The following SVEP1 variants were observed in gnomAD, a reference collection of about 807,000 sequenced individuals.
SVEP1 encodes sushi, von Willebrand factor type A, EGF and pentraxin domain-containing protein 1.
SVEP1 carries 164 observed loss-of-function variants against 367.3 expected under a neutral mutation model. The observed-to-expected ratio is 0.45, with a 90% CI of 0.39 to 0.51. The LOEUF (loss-of-function observed/expected upper bound fraction) is 0.51. Ranked by LOEUF, SVEP1 falls within the 20% of genes least tolerant of loss-of-function variation. The probability of loss-of-function intolerance (pLI) is 0.00; values close to 1 mark genes in which losing one functional copy is unlikely to be tolerated. For missense variants in SVEP1, 4,117 were observed against 4,425.3 expected, an observed-to-expected ratio of 0.93 and a Z score of 1.98; for synonymous variants, 1,666 against 1,611.6, an observed-to-expected ratio of 1.03 and a Z score of -0.81.
intron 47 of SVEP1, among the ~76,000 whole-genome samples, chr9:110,367,233 C>T (rs1419399016): frequency 1.3e-5 from 2 of 152,242 alleles, no homozygotes; most frequent in East Asian, 1.9e-4. Context: ...AATCTTGGCT[C>T]GCTGCAACCT....
chr9:110,387,165 T>A (rs1827537736), intron 42 of SVEP1, 120 bp downstream of exon 42: 4 of 964,490 alleles, frequency 4.1e-6, no homozygotes, highest in Non-Finnish European at 5.9e-6. Context: ...TGGATAGGCA[T>A]TAATTGCTTT....
At chr9:110,474,527 G>T (rs1829071211) in intron 14 of SVEP1, among the ~76,000 whole-genome samples, 1 of 151,990 alleles carries the variant, frequency 6.6e-6, no homozygotes, top group Admixed American at 6.6e-5. Context: ...TTGCCATTTG[G>T]ACCCTTATTA....
At chr9:110,565,218 C>T (rs1231735990) in intron 1 of SVEP1, among the ~76,000 whole-genome samples, 3 of 152,112 alleles carry the variant, frequency 2.0e-5, no homozygotes, top group Non-Finnish European at 4.4e-5. Context: ...CGCTGAGTAA[C>T]TCAGATTAGG....
At chr9:110,379,602 G>A in intron 43 of SVEP1, 85 bp from the exon 44 acceptor site, 4 of 1,381,348 alleles carry the variant, frequency 2.9e-6, no homozygotes, top group Middle Eastern at 1.8e-4. Context: ...GAATTAAAGA[G>A]CAAAAATAAA....
chr9:110,456,311 C>A (rs1430587990), intron 21 of SVEP1, among the ~76,000 whole-genome samples: 1 of 152,152 alleles, frequency 6.6e-6, no homozygotes, highest in African/African-American at 2.4e-5. Context: ...TTTTAACAAG[C>A]CTTCCAGATG....
At chr9:110,375,000 C>T (rs1006012902) in intron 46 of SVEP1, among the ~76,000 whole-genome samples, 1 of 150,738 alleles carries the variant, frequency 6.6e-6, no homozygotes, top group Non-Finnish European at 1.5e-5. Flanking sequence ...TTATGTATAA[C>T]CTTGTTCTTT....
At chr9:110,541,592 A>T (rs1830145377) in intron 3 of SVEP1, among the ~76,000 whole-genome samples, 1 of 151,994 alleles carries the variant, frequency 6.6e-6, no homozygotes, top group Non-Finnish European at 1.5e-5. Flanking sequence ...TTCTCATGAC[A>T]ATTATATTAT....
chr9:110,479,898 G>A, intron 12 of SVEP1, 142 bp from the exon 13 acceptor site: 1 of 1,206,756 alleles, frequency 8.3e-7, no homozygotes, highest in Non-Finnish European at 1.2e-6. Flanking sequence ...GACAGTTAAG[G>A]AGAGTTTCTA....
intron 37 of SVEP1, among the ~76,000 whole-genome samples, 175 bp downstream of exon 37, chr9:110,410,888 A>T (rs2118503082): frequency 6.6e-6 from 1 of 152,364 alleles, no homozygotes; most frequent in Middle Eastern, 3.4e-3. Context: ...GAGATGAATT[A>T]ATTATGAAAA....
At chr9:110,479,947 A>G (rs1829160610) in intron 12 of SVEP1, among the ~76,000 whole-genome samples, 191 bp from the exon 13 acceptor site, 1 of 152,204 alleles carries the variant, frequency 6.6e-6, no homozygotes. Context: ...ACCAAGCAGC[A>G]CTGGACTCAG....
At chr9:110,381,831 T>C (rs7868487) in intron 43 of SVEP1, among the ~76,000 whole-genome samples, 19,393 of 151,992 alleles carry the variant, frequency 0.13, 1,347 homozygotes, top group African/African-American at 0.16. Flanking sequence ...AAAGACTCTT[T>C]GTAAGTCTCT....
At chr9:110,411,817 C>T in intron 36 of SVEP1, 82 bp from the exon 37 acceptor site, 1 of 1,277,800 alleles carries the variant, frequency 7.8e-7, no homozygotes, top group East Asian at 2.6e-5. Context: ...TTTTTTAAAT[C>T]TTTCCCACAA....
At chr9:110,545,944 C>T (rs1168304606) in intron 3 of SVEP1, among the ~76,000 whole-genome samples, 171 bp downstream of exon 3, 2 of 152,216 alleles carry the variant, frequency 1.3e-5, no homozygotes, top group Non-Finnish European at 2.9e-5. Context: ...CTACTCAACT[C>T]ACCGCTGATG....
Position 110,443,697 on chromosome 9 carries a change from C to T in SVEP1, c.4487G>A (p.Arg1496Lys). 6.2e-7 allele frequency: 1 copy of T among 1,607,640 alleles called. No homozygotes were observed. The highest frequency in any genetic ancestry group is 8.5e-7 in the Non-Finnish European group (1 of 1,176,760). ...CGAGGGACAGTTTGTTATCTTTTCC[C>T]TGCCATTCACATAAAGAACCCAGCT... ...YNGWVLYVNG[R>K]EKITNCPSVN... The change falls in exon 27 of 48, where the codon AGG becomes AAG. Residue 1496 changes from arginine to lysine, a missense_variant. Physicochemically the swap from Arg to Lys is conservative, Grantham distance 26. Coordinates refer to ENST00000374469, the MANE Select transcript of SVEP1 (RefSeq NM_153366.4).
chr9:110,512,723 G>A, intron 5 of SVEP1: 2 of 641,896 alleles, frequency 3.1e-6, no homozygotes, highest in Non-Finnish European at 2.7e-6. Flanking sequence ...TTCATAAAAG[G>A]GCTATAAAAG....
intron 6 of SVEP1, among the ~76,000 whole-genome samples, chr9:110,501,733 C>T (rs1021643002): frequency 2.6e-5 from 4 of 152,078 alleles, no homozygotes; most frequent in African/African-American, 9.7e-5. Flanking sequence ...AGTTTTAAAA[C>T]ATTTTACTGA....
chr9:110,443,335 G>A, intron 27 of SVEP1: 1 of 447,330 alleles, frequency 2.2e-6, no homozygotes, highest in Non-Finnish European at 3.9e-6. Flanking sequence ...GATCTTCAAA[G>A]GCATTTCTCA....
At chr9:110,552,526 A>G (rs1042375266) in intron 1 of SVEP1, among the ~76,000 whole-genome samples, 3 of 152,126 alleles carry the variant, frequency 2.0e-5, no homozygotes, top group Admixed American at 6.5e-5. Flanking sequence ...ACAACTCACT[A>G]TAATGTAGAA....
chr9:110,521,209 C>A (rs529003673), intron 3 of SVEP1, among the ~76,000 whole-genome samples: 22 of 152,312 alleles, frequency 1.4e-4, no homozygotes. Context: ...AAGATCCTTT[C>A]TATTTTCCTC....
Sources: allele counts gnomAD v4.1 joint callset (sites outside exome capture counted in the v4.1 genomes callset), GRCh38; gene constraint gnomAD v4.1.1; transcripts MANE v1.5; gene names NCBI Gene and HGNC (gene_info 2026-07-23, HGNC 2026-07-21).